The following ADCY5 variants were observed in gnomAD, a reference collection of about 807,000 sequenced individuals.
The protein encoded by ADCY5 is adenylate cyclase 5.
In ADCY5, 30 loss-of-function variants were observed where a neutral mutation model predicts 119.7. The ratio of observed to expected loss-of-function variants is 0.25; its 90% confidence interval spans 0.19 to 0.34. ADCY5 has a LOEUF of 0.34. Among genes scored for constraint, ADCY5 ranks in the 10% least tolerant of loss-of-function variants. The pLI, the probability that ADCY5 is intolerant of heterozygous loss-of-function variation, is 1.00. For missense variants in ADCY5, 1,324 were observed against 1,775.2 expected, an observed-to-expected ratio of 0.75 and a Z score of 4.57; for synonymous variants, 753 against 762.2, an observed-to-expected ratio of 0.99 and a Z score of 0.20.
intron 1 of ADCY5, among the ~76,000 whole-genome samples, chr3:123,379,332 G>A (rs1473253230): frequency 6.6e-6 from 1 of 152,090 alleles, no homozygotes; most frequent in Admixed American, 6.6e-5. Flanking sequence ...GGGTGATGCT[G>A]GTATAGAGGA....
At chr3:123,424,769 C>T (rs948981561) in intron 1 of ADCY5, among the ~76,000 whole-genome samples, 1 of 152,114 alleles carries the variant, frequency 6.6e-6, no homozygotes, top group African/African-American at 2.4e-5. Context: ...TGTGTGTGCG[C>T]GCATGCACGC....
In ADCY5 at chr3:123,286,684, C is replaced by A; in HGVS notation, c.3657+1G>T. The A allele has an allele frequency of 6.2e-7, 1 of 1,608,596 alleles. No homozygotes were observed. The highest frequency in any genetic ancestry group is 1.1e-5 in the South Asian group (1 of 90,138). Reference sequence around the variant, plus strand: ...GGGGTGGTGGATGCTCCTGCACTCACCTGGATGCGGTCGGGTACACCGGTG... The same window carrying A: ...GGGGTGGTGGATGCTCCTGCACTCAACTGGATGCGGTCGGGTACACCGGTG... On this transcript the variant is annotated splice_donor_variant, in intron 20 of 20. Coordinates refer to ENST00000462833, the MANE Select transcript of ADCY5 (RefSeq NM_183357.3). LOFTEE classifies it high-confidence loss of function. The surrounding 1 kb of genome is among the most constrained non-coding windows in gnomAD (Gnocchi z 4.2).
chr3:123,439,905 C>T (rs773249891), intron 1 of ADCY5, among the ~76,000 whole-genome samples: 1 of 152,182 alleles, frequency 6.6e-6, no homozygotes, highest in Non-Finnish European at 1.5e-5. Context: ...GATATAGTAT[C>T]GGCAGTGCCA....
chr3:123,298,158 C>G (rs759244008), intron 15 of ADCY5, among the ~76,000 whole-genome samples: 1 of 152,116 alleles, frequency 6.6e-6, no homozygotes, highest in Non-Finnish European at 1.5e-5. Context: ...TGCCACCACA[C>G]CTGGCTAATT....
In ADCY5 at chr3:123,347,889, C is replaced by T; in HGVS notation, c.1299G>A (p.Leu433=). The T allele has an allele frequency of 6.2e-7, 1 of 1,614,164 alleles. No individual in the cohort carries two copies. Among genetic ancestry groups the T allele is most frequent in the Non-Finnish European group, 8.5e-7 (1 of 1,180,018 alleles). Residue 433 remains leucine, a synonymous_variant, in exon 3 of 21, where the codon CTG becomes CTA. Coordinates refer to ENST00000462833, the MANE Select transcript of ADCY5 (RefSeq NM_183357.3). The part of the protein sequence containing the change: ...RENQQQERLL[L]SVLPRHVAME... The stretch of plus-strand genomic sequence containing the variant: ...TGGCAACATGACGGGGAAGGACAGA[C>T]AGCAGGAGCCGTTCCTGCAGAGGGA...
rs1942623564 is a variant in ADCY5 at position 123,347,701 on chromosome 3, C to T, written c.1406+81G>A. On this transcript the variant is annotated intron_variant, in intron 3 of 20. Coordinates refer to ENST00000462833, the MANE Select transcript of ADCY5 (RefSeq NM_183357.3). ...ACCAAGCCACCCTGTCGGGCTGTGC[C>T]CACTTGAAAGGAAGTGGGATGTCTC... 3.8e-6 allele frequency: 5 copies of T among 1,302,806 alleles called. No homozygotes were observed. In the Admixed American group the frequency reaches 6.8e-5, roughly 18 times the overall value. The allele number at this position is 1,302,806 out of a possible 1,614,324, so 80.7% of individuals were successfully genotyped here.
intron 1 of ADCY5, among the ~76,000 whole-genome samples, chr3:123,366,200 T>G (rs2107518710): frequency 6.6e-6 from 1 of 152,358 alleles, no homozygotes; most frequent in East Asian, 1.9e-4. Context: ...AGGATATATG[T>G]GACTCTCAAT....
At chr3:123,333,359 T>C (rs1384100233) in intron 3 of ADCY5, among the ~76,000 whole-genome samples, 1 of 152,220 alleles carries the variant, frequency 6.6e-6, no homozygotes, top group East Asian at 1.9e-4. Flanking sequence ...GGTATTCTCT[T>C]AGAGCAGCCT....
At chr3:123,413,972 A>G (rs1403625363) in intron 1 of ADCY5, among the ~76,000 whole-genome samples, 1 of 152,202 alleles carries the variant, frequency 6.6e-6, no homozygotes. Flanking sequence ...ACGATGCAGA[A>G]AGAATTTGGG....
chr3:123,311,141 G>A (rs1285882297), intron 12 of ADCY5, among the ~76,000 whole-genome samples: 1 of 152,358 alleles, frequency 6.6e-6, no homozygotes, highest in Middle Eastern at 3.4e-3. Context: ...ACTGGCTTGG[G>A]GGTAATTTAG....
chr3:123,412,824 A>G (rs1945087724), intron 1 of ADCY5, among the ~76,000 whole-genome samples: 1 of 152,178 alleles, frequency 6.6e-6, no homozygotes, highest in Admixed American at 6.5e-5. Flanking sequence ...GACAAAAAAA[A>G]AAAAAGGCAG....
intron 20 of ADCY5, 31 bp from the exon 21 acceptor site, chr3:123,284,767 C>T: frequency 1.2e-6 from 2 of 1,613,670 alleles, no homozygotes; most frequent in Non-Finnish European, 1.7e-6. Flanking sequence ...AGAGGGCAAG[C>T]CACTGATGGC....
intron 1 of ADCY5, among the ~76,000 whole-genome samples, chr3:123,378,845 C>T (rs1707386668): frequency 6.6e-6 from 1 of 152,206 alleles, no homozygotes; most frequent in Non-Finnish European, 1.5e-5. Flanking sequence ...ATGCTTGGCA[C>T]CAACATTCCC....
intron 1 of ADCY5, among the ~76,000 whole-genome samples, chr3:123,447,075 T>G (rs1945829683): frequency 1.3e-5 from 2 of 152,156 alleles, no homozygotes; most frequent in African/African-American, 4.8e-5. Flanking sequence ...GGGCCTTTTG[T>G]ATATAGGAAC....
intron 1 of ADCY5, among the ~76,000 whole-genome samples, chr3:123,406,678 C>T (rs943883212): frequency 6.6e-6 from 1 of 152,116 alleles, no homozygotes; most frequent in South Asian, 2.1e-4. Flanking sequence ...CAAAATGGCA[C>T]AAATAATGGC....
chr3:123,380,979 C>G (rs972764800), intron 1 of ADCY5, among the ~76,000 whole-genome samples: 1 of 152,176 alleles, frequency 6.6e-6, no homozygotes, highest in Admixed American at 6.5e-5. Context: ...CCACTTCATA[C>G]GGTGACTCTG....
chr3:123,344,444 AT>A (rs1559823200), intron 3 of ADCY5, among the ~76,000 whole-genome samples: 1 of 152,316 alleles, frequency 6.6e-6, no homozygotes. Context: ...GCCAGATACT[AT>A]GCTAAGCACT....
At chr3:123,384,394 CGCCCTGGGT>C (rs1354370819) in intron 1 of ADCY5, among the ~76,000 whole-genome samples, 2 of 152,204 alleles carry the variant, frequency 1.3e-5, no homozygotes, top group African/African-American at 2.4e-5. Context: ...ATGACTGAGT[CGCCCTGGGT>C]CAGGGCGAGT....
intron 11 of ADCY5, among the ~76,000 whole-genome samples, chr3:123,317,113 G>A (rs1940951876): frequency 2.0e-5 from 3 of 152,052 alleles, no homozygotes; most frequent in Admixed American, 1.3e-4. Context: ...TCTCCCAAGC[G>A]AGACTCTAAT....
Sources: gnomAD v4.1 joint callset for allele counts (sites outside exome capture counted in the v4.1 genomes callset) on GRCh38, gnomAD v4.1.1 for gene constraint, Gnocchi (gnomAD v3.1) non-coding constraint, MANE v1.5 for transcripts, NCBI Gene and HGNC (gene_info 2026-07-23, HGNC 2026-07-21) for gene names.